ZNF536: variants seen among roughly 807,000 people sequenced by gnomAD.
ZNF536 encodes zinc finger protein 536.
In ZNF536, 13 loss-of-function variants were observed where a neutral mutation model predicts 84.5. The ratio of observed to expected loss-of-function variants is 0.15; its 90% CI spans 0.10 to 0.24. The LOEUF (loss-of-function observed/expected upper bound fraction) is 0.24, where lower values mean the gene tolerates loss of function less well. Among genes scored for constraint, ZNF536 ranks in the 10% least tolerant of loss-of-function variants. The pLI is 1.00. For synonymous variants in ZNF536, 811 were observed against 742.5 expected (o/e 1.09, Z -1.50); for missense variants, 1,536 against 1,747.5 (o/e 0.88, Z 2.16).
chr19:30,659,613 A>G (rs886391558), intron 1 of ZNF536, among the ~76,000 whole-genome samples: 1 of 152,250 alleles, frequency 6.6e-6, no homozygotes, highest in African/African-American at 2.4e-5. Flanking sequence ...TCTGCATGGC[A>G]GCAGGCAAGA....
At chr19:30,252,209 A>G (rs1464906064) in intron 1 of ZNF536, among the ~76,000 whole-genome samples, 1 of 152,212 alleles carries the variant, frequency 6.6e-6, no homozygotes, top group East Asian at 1.9e-4. Flanking sequence ...CAACATCACT[A>G]ATGATTAGGG....
chr19:30,326,459 G>C (rs1389198818), intron 2 of ZNF536, among the ~76,000 whole-genome samples: 4 of 152,128 alleles, frequency 2.6e-5, no homozygotes, highest in Non-Finnish European at 5.9e-5. Context: ...TTTTGTTCGT[G>C]GTAGGGAACA....
chr19:30,522,621 AG>A (rs1392536965), intron 2 of ZNF536, among the ~76,000 whole-genome samples: 1 of 152,126 alleles, frequency 6.6e-6, no homozygotes. Context: ...ACATCCTAAT[AG>A]GCATGCTTTT....
intron 1 of ZNF536, among the ~76,000 whole-genome samples, chr19:30,651,233 G>A (rs537045556): frequency 1.3e-5 from 2 of 152,356 alleles, no homozygotes; most frequent in Non-Finnish European, 2.9e-5. Flanking sequence ...TTGGACAAAG[G>A]CGAGGGAGGT....
At chr19:30,311,168 C>T (rs1202512041) in intron 2 of ZNF536, among the ~76,000 whole-genome samples, 1 of 152,106 alleles carries the variant, frequency 6.6e-6, no homozygotes, top group African/African-American at 2.4e-5. Flanking sequence ...TCTGTGCTTC[C>T]TGGGGCTGTG....
intron 1 of ZNF536, among the ~76,000 whole-genome samples, chr19:30,706,267 G>A (rs1212525238): frequency 5.3e-5 from 8 of 152,228 alleles, no homozygotes; most frequent in Non-Finnish European, 1.5e-5. Context: ...GGTGGATCAC[G>A]AGGTCAGGAG....
intron 1 of ZNF536, among the ~76,000 whole-genome samples, chr19:30,643,663 G>A (rs893055443): frequency 6.6e-6 from 1 of 152,054 alleles, no homozygotes; most frequent in African/African-American, 2.4e-5. Flanking sequence ...TCTGCAGGGG[G>A]GGGTTTTGGG....
At chr19:30,340,887 G>T (rs531934963) in intron 2 of ZNF536, among the ~76,000 whole-genome samples, 98 of 152,112 alleles carry the variant, frequency 6.4e-4, no homozygotes, top group Admixed American at 3.2e-3. Flanking sequence ...CTTGCAACAG[G>T]CATCGTGTGT....
intron 1 of ZNF536, among the ~76,000 whole-genome samples, chr19:30,593,274 C>T (rs563619474): frequency 1.0e-3 from 155 of 152,240 alleles, no homozygotes; most frequent in Non-Finnish European, 1.9e-3. Flanking sequence ...GACCAAAACC[C>T]TTTGTGGGCA....
chr19:30,696,287 C>T (rs560367910), intron 1 of ZNF536, among the ~76,000 whole-genome samples: 1 of 152,258 alleles, frequency 6.6e-6, no homozygotes, highest in South Asian at 2.1e-4. Flanking sequence ...AGCCCCTCCG[C>T]TCCCGGCTCC....
intron 1 of ZNF536, among the ~76,000 whole-genome samples, chr19:30,254,008 A>T (rs886519851): frequency 1.3e-5 from 2 of 152,128 alleles, no homozygotes; most frequent in Admixed American, 1.3e-4. Context: ...TAAAAGACTG[A>T]TTTAACCACA....
intron 2 of ZNF536, among the ~76,000 whole-genome samples, chr19:30,296,654 GA>G (rs1261058566): frequency 6.6e-6 from 1 of 152,132 alleles, no homozygotes; most frequent in Non-Finnish European, 1.5e-5. Context: ...TACCCCCAGG[GA>G]GCCTAAAATG....
chr19:30,548,959 C>A lies in ZNF536; in HGVS notation c.3340C>A (p.Gln1114Lys), dbSNP rs2045666329. 6.2e-7 allele frequency: 1 copy of A among 1,614,132 alleles called. No individual in the cohort carries two copies. Among genetic ancestry groups the A allele is most frequent in the Non-Finnish European group, 8.5e-7 (1 of 1,180,028 alleles). The change falls in exon 4 of 5, where the codon CAG (glutamine) becomes AAG (lysine). Residue 1114 changes from glutamine to lysine, a missense_variant. By Grantham distance (53) the Gln-to-Lys change is moderately conservative. This residue lies in a region of ZNF536 where 624 missense variants were observed against 603.1 expected (regional missense o/e 1.03). Coordinates refer to ENST00000355537, the MANE Select transcript of ZNF536 (RefSeq NM_014717.3). ...TAACTTCCCATCAGACTTCTACAAG[C>A]AGTTTGGTGTTTACCCAGGCATGGT... is the stretch of plus-strand genomic sequence containing the variant. ...FCNFPSDFYK[Q>K]FGVYPGMVGS...
At chr19:30,632,791 T>A (rs917874787) in intron 1 of ZNF536, among the ~76,000 whole-genome samples, 2 of 152,224 alleles carry the variant, frequency 1.3e-5, no homozygotes, top group African/African-American at 4.8e-5. Context: ...CTGAAATTAG[T>A]GAGAGATTTT....
intron 3 of ZNF536, among the ~76,000 whole-genome samples, chr19:30,354,268 C>T (rs1345523098): frequency 6.6e-6 from 1 of 152,098 alleles, no homozygotes; most frequent in Non-Finnish European, 1.5e-5. Context: ...GGGAATGAGA[C>T]ACAGATATCC....
intron 1 of ZNF536, among the ~76,000 whole-genome samples, chr19:30,679,029 T>G (rs757928606): frequency 2.6e-5 from 4 of 151,946 alleles, no homozygotes; most frequent in Non-Finnish European, 4.4e-5. Context: ...TGCAGCCCCC[T>G]TCAACACCGA....
At chr19:30,481,278 G>C (rs950790057) in intron 2 of ZNF536, among the ~76,000 whole-genome samples, 6 of 152,106 alleles carry the variant, frequency 3.9e-5, no homozygotes, top group African/African-American at 1.4e-4. Flanking sequence ...GTACATACAT[G>C]CGCATGAGTA....
chr19:30,451,389 T>C (rs1790377966), intron 2 of ZNF536, among the ~76,000 whole-genome samples: 2 of 152,258 alleles, frequency 1.3e-5, no homozygotes, highest in Admixed American at 1.3e-4. Flanking sequence ...GGTAGACTTG[T>C]ATCATCTCGT....
intron 1 of ZNF536, among the ~76,000 whole-genome samples, chr19:30,682,134 A>G (rs1471304107): frequency 6.6e-6 from 1 of 152,136 alleles, no homozygotes; most frequent in Non-Finnish European, 1.5e-5. Flanking sequence ...AAAAAGCTGC[A>G]TCTTCAAATC....
Sources: allele counts gnomAD v4.1 joint callset (sites outside exome capture counted in the v4.1 genomes callset), GRCh38; gene constraint gnomAD v4.1.1; regional missense constraint gnomAD v4.1.1; transcripts MANE v1.5; gene names NCBI Gene and HGNC (gene_info 2026-07-23, HGNC 2026-07-21).